The following BTG4 variants were observed in gnomAD, a reference collection of about 807,000 sequenced individuals.
The protein encoded by BTG4 is protein BTG4.
In BTG4, 10 loss-of-function variants were observed where a neutral mutation model predicts 19.3. That is an observed-to-expected ratio of 0.52 (90% confidence interval 0.32 to 0.88). The LOEUF (loss-of-function observed/expected upper bound fraction) is 0.88, where lower values mean the gene tolerates loss of function less well. BTG4 is among the 40% of genes least tolerant of loss of function. The probability of loss-of-function intolerance (pLI) is 0.04; values close to 1 mark genes in which losing one functional copy is unlikely to be tolerated. For synonymous variants in BTG4, 91 were observed against 95.7 expected, an observed-to-expected ratio of 0.95 and a Z score of 0.29; for missense variants, 238 against 281.9, an observed-to-expected ratio of 0.84 and a Z score of 1.11.
the BTG4 span, chr11:111,451,284 C>A: frequency 2.6e-6 from 1 of 380,388 alleles, no homozygotes; most frequent in Non-Finnish European, 5.6e-6. Context: ...ATATGACTGG[C>A]GGCGCTTCCG....
At chr11:111,476,325 A>C (rs1003581731) in intron 5 of BTG4, among the ~76,000 whole-genome samples, 1 of 152,164 alleles carries the variant, frequency 6.6e-6, no homozygotes, top group Non-Finnish European at 1.5e-5. Flanking sequence ...TTAGCTCTGT[A>C]GGTCTTTTGT....
chr11:111,436,435 G>A, the BTG4 span, among the ~76,000 whole-genome samples: 7 of 152,126 alleles, frequency 4.6e-5, no homozygotes, highest in Non-Finnish European at 8.8e-5. Context: ...AGACTAGCCT[G>A]GCAAACATGG....
chr11:111,508,540 C>T (rs898702567), intron 1 of BTG4, among the ~76,000 whole-genome samples: 2 of 151,970 alleles, frequency 1.3e-5, no homozygotes, highest in Admixed American at 1.3e-4. Context: ...TTGTGTTTTT[C>T]CTTCACAAAT....
At chr11:111,454,413 TAGAA>T in the BTG4 span, 3 of 423,070 alleles carry the variant, frequency 7.1e-6, no homozygotes, top group South Asian at 5.3e-5. Context: ...CATGTGGGGC[TAGAA>T]AGAGTCTCCT....
the BTG4 span, chr11:111,454,203 G>T: frequency 2.3e-6 from 1 of 436,220 alleles, no homozygotes; most frequent in South Asian, 1.7e-5. Context: ...TGCATTTCAG[G>T]AGGATAATCC....
the BTG4 span, among the ~76,000 whole-genome samples, chr11:111,408,266 A>C: frequency 3.9e-5 from 6 of 152,098 alleles, no homozygotes; most frequent in African/African-American, 1.2e-4. Context: ...ACGTCCTCCC[A>C]CTTCCTTTTG....
At chr11:111,488,551 T>C (rs955418378) in intron 5 of BTG4, among the ~76,000 whole-genome samples, 1 of 152,134 alleles carries the variant, frequency 6.6e-6, no homozygotes, top group African/African-American at 2.4e-5. Flanking sequence ...AAAGGTTTCT[T>C]GGGAAGACCT....
the BTG4 span, among the ~76,000 whole-genome samples, chr11:111,415,226 C>A: frequency 6.6e-6 from 1 of 151,388 alleles, no homozygotes; most frequent in African/African-American, 2.4e-5. Flanking sequence ...TTACCAGTGA[C>A]CCCCGCCTCC....
chr11:111,512,707 G>T (rs1867038137), upstream of BTG4, among the ~76,000 whole-genome samples: 1 of 152,120 alleles, frequency 6.6e-6, no homozygotes, highest in Non-Finnish European at 1.5e-5. Flanking sequence ...TCGGGGCGCG[G>T]CTCCCGGCCT....
At chr11:111,497,110 G>C (rs1865783295) in intron 4 of BTG4, 101 bp downstream of exon 4, 1 of 1,208,002 alleles carries the variant, frequency 8.3e-7, no homozygotes, top group Non-Finnish European at 1.2e-6. Flanking sequence ...CTACAGTTTT[G>C]TTCTTTCCAT....
the BTG4 span, among the ~76,000 whole-genome samples, chr11:111,390,549 T>C: frequency 1.3e-5 from 2 of 152,176 alleles, no homozygotes; most frequent in Non-Finnish European, 2.9e-5. Flanking sequence ...ACCTAGATAT[T>C]CTACATGCAA....
chr11:111,460,654 C>T, the BTG4 span, among the ~76,000 whole-genome samples: 2 of 152,064 alleles, frequency 1.3e-5, no homozygotes, highest in South Asian at 2.1e-4. Flanking sequence ...ACTCCAGCCT[C>T]GGGGAAAGCA....
chr11:111,411,924 C>A, the BTG4 span, among the ~76,000 whole-genome samples: 1 of 152,156 alleles, frequency 6.6e-6, no homozygotes, highest in Non-Finnish European at 1.5e-5. Context: ...GAGGCAGATA[C>A]ATGAGAACCC....
At chr11:111,408,184 G>A in the BTG4 span, among the ~76,000 whole-genome samples, 20 of 152,222 alleles carry the variant, frequency 1.3e-4, no homozygotes, top group Admixed American at 1.3e-3. Flanking sequence ...CTGAGTCACT[G>A]GAGCTGAGGC....
chr11:111,457,649 G>C, the BTG4 span, among the ~76,000 whole-genome samples: 19 of 151,934 alleles, frequency 1.3e-4, no homozygotes, highest in Admixed American at 9.8e-4. Flanking sequence ...AAAGTTAATG[G>C]ACACTTTTCA....
chr11:111,506,203 T>A (rs1866446007), intron 1 of BTG4, among the ~76,000 whole-genome samples: 1 of 152,088 alleles, frequency 6.6e-6, no homozygotes, highest in Admixed American at 6.6e-5. Flanking sequence ...CATTTACAAT[T>A]AGAGCAAAGT....
At chr11:111,429,528 G>A in the BTG4 span, among the ~76,000 whole-genome samples, 1 of 152,170 alleles carries the variant, frequency 6.6e-6, no homozygotes, top group Non-Finnish European at 1.5e-5. Flanking sequence ...GGCATAAACA[G>A]GGGTTTATAA....
At chr11:111,414,981 T>C in the BTG4 span, 2 of 152,306 alleles carry the variant, frequency 1.3e-5, no homozygotes, top group South Asian at 2.1e-4. Flanking sequence ...AGAAGACTGC[T>C]CTGGAAAACA....
chr11:111,498,697 A>G lies in BTG4; in HGVS notation c.80T>C (p.Ile27Thr), dbSNP rs191167442. The G allele has an allele frequency of 3.1e-6, 5 of 1,613,576 alleles. No individual in the cohort carries two copies. The African/African-American group carries it at 6.7e-5, about 22-fold the overall frequency. ...CATCAGCTTTTCTGCAAAGTCTTCT[A>G]TTTGCTGTTTACTTAGTTTATCATG... ...KKHDKLSKQQ[I>T]EDFAEKLMTI... The change falls in exon 2 of 5, where the codon ATA becomes ACA. Residue 27 changes from isoleucine to threonine, a missense_variant. Transcript: ENST00000692032.
Sources: allele counts gnomAD v4.1 joint callset (sites outside exome capture counted in the v4.1 genomes callset), GRCh38; gene constraint gnomAD v4.1.1; transcripts MANE v1.5; gene names NCBI Gene and HGNC (gene_info 2026-07-23, HGNC 2026-07-21).